Variants in DEF8 observed in about 807,000 individuals in gnomAD.
The protein encoded by DEF8 is DEF-8.
DEF8 carries 38 observed loss-of-function variants against 59.1 expected under a neutral mutation model. The ratio of observed to expected loss-of-function variants is 0.64; its 90% CI spans 0.50 to 0.84. The LOEUF (loss-of-function observed/expected upper bound fraction) is 0.84, where lower values mean the gene tolerates loss of function less well. Ranked by LOEUF, DEF8 falls within the 40% of genes least tolerant of loss-of-function variation. DEF8 has a pLI of 0.00. For synonymous variants in DEF8, 265 were observed against 250.1 expected (o/e 1.06, Z -0.56); for missense variants, 557 against 615.2 (o/e 0.91, Z 1.00).
At chr16:89,951,851 TAC>T (rs2032163868) in intron 2 of DEF8, among the ~76,000 whole-genome samples, 1 of 152,114 alleles carries the variant, frequency 6.6e-6, no homozygotes, top group Non-Finnish European at 1.5e-5. Context: ...TATATGTATA[TAC>T]ACACACATAC....
chr16:89,948,850 G>GGGGTCGGGGCTGGGA (rs1367669266), intron 1 of DEF8, 36 bp downstream of exon 1: 2 of 788,622 alleles, frequency 2.5e-6, no homozygotes, highest in Non-Finnish European at 2.9e-6. Context: ...CGGGGCCGGC[G>GGGGTCGGGGCTGGGA]GGGACGGGGC....
chr16:89,961,215 T>C (rs868588278), intron 7 of DEF8, 120 bp downstream of exon 7: 2 of 1,305,412 alleles, frequency 1.5e-6, no homozygotes, highest in Admixed American at 2.3e-5. Context: ...CAGTGCCTGC[T>C]TGATATCTTT....
intron 2 of DEF8, 100 bp downstream of exon 2, chr16:89,949,613 G>C (rs779996196): frequency 6.8e-6 from 11 of 1,612,592 alleles, no homozygotes; most frequent in Non-Finnish European, 9.3e-6. Context: ...TGGTGGTCAC[G>C]CCGCGGGCAG....
intron 4 of DEF8, 85 bp downstream of exon 4, chr16:89,955,351 A>T: frequency 1.7e-6 from 2 of 1,154,726 alleles, no homozygotes; most frequent in Non-Finnish European, 2.6e-6. Context: ...ACTCCCTCCC[A>T]GGTGGCAGGG....
At chr16:89,965,732 GC>G in intron 12 of DEF8, 128 bp from the exon 13 acceptor site, 1 of 609,284 alleles carries the variant, frequency 1.6e-6, no homozygotes, top group Non-Finnish European at 2.9e-6. Flanking sequence ...CTTGCATCTG[GC>G]TGCAGACTCC....
intron 2 of DEF8, 36 bp downstream of exon 2, chr16:89,949,549 C>A: frequency 6.2e-7 from 1 of 1,613,330 alleles, no homozygotes. Context: ...CTCCGCACAC[C>A]GGGGTGACTT....
At position 89,949,045 on chromosome 16, in the gene DEF8, GGGGTCGGGGCTGGGA is replaced by G. The variant is rs1207012514; in HGVS notation, c.-108+235_-108+249del. On this transcript the variant is annotated intron_variant, in intron 1 of 12. Coordinates refer to ENST00000563594, the MANE Select transcript of DEF8 (RefSeq NM_001242818.2). ...CGGGGCCGGCGGGGACGGGGTCGGC[GGGGTCGGGGCTGGGA>G]GGGACGGGGCCGGCGGGGACGGGGC... is the stretch of plus-strand genomic sequence containing the variant. Among the ~76,000 whole-genome samples the G allele has an allele frequency of 3.1e-4, 28 of 90,374 alleles. 5 individuals are homozygous for G. The highest frequency in any genetic ancestry group is 2.3e-3 in the African/African-American group (27 of 11,688). 59.3% of individuals were successfully genotyped at this position (90,374 alleles called of 152,430 possible). A position where few individuals can be genotyped will look rare whatever the true frequency, so the allele number is the denominator to read the frequency against.
intron 5 of DEF8, 70 bp from the exon 6 acceptor site, chr16:89,958,944 G>C: frequency 6.3e-7 from 1 of 1,579,938 alleles, no homozygotes; most frequent in South Asian, 1.1e-5. Flanking sequence ...TAAGTTGAGG[G>C]GCTTGTGCGA....
chr16:89,964,508 G>T lies in DEF8; in HGVS notation c.1186G>T (p.Gly396Cys). 1 of 1,599,256 alleles carries T rather than the reference G, an allele frequency of 6.3e-7. No individual in the cohort carries two copies. ...KGFVCELCRE[G>C]DVLFPFDSHT... ...CTTCGTGTGTGAGCTCTGCAGAGAG[G>T]GCGACGTGCTGTTCCCGTTCGACAG... Residue 396 changes from glycine to cysteine, a missense_variant, in exon 12 of 13, where the codon GGC becomes TGC. By Grantham distance (159) the Gly-to-Cys change is radical. Transcript: ENST00000563594.
chr16:89,957,756 C>T (rs990440482), intron 5 of DEF8, 96 bp downstream of exon 5: 27 of 1,395,054 alleles, frequency 1.9e-5, no homozygotes, highest in African/African-American at 1.6e-4. Context: ...CTCTCTCAGG[C>T]GGTGGTCTCT....
chr16:89,961,162 G>A, intron 7 of DEF8, 67 bp downstream of exon 7: 4 of 1,558,870 alleles, frequency 2.6e-6, no homozygotes, highest in South Asian at 2.4e-5. Context: ...GTGCACAGGT[G>A]TGTAAGGGCA....
rs755754865 is a variant in DEF8 at position 89,949,508 on chromosome 16, A to T, written c.-16A>T. 32 of 1,613,034 alleles carry T rather than the reference A, an allele frequency of 2.0e-5. No homozygotes were observed. The highest frequency in any genetic ancestry group is 2.6e-5 in the Non-Finnish European group (31 of 1,179,892). On this transcript the variant is annotated 5_prime_UTR_variant, in exon 2 of 13. It removes an upstream start codon present in the reference 5' UTR. Transcript: ENST00000563594. Reference sequence around the variant, plus strand: ...GCGAGCCCCTGGGCCCTGGCAGGCGATGCAGGTATGGGCAGACAGGACGCT... The same window carrying T: ...GCGAGCCCCTGGGCCCTGGCAGGCGTTGCAGGTATGGGCAGACAGGACGCT...
chr16:89,963,314 G>C (rs750442807), intron 9 of DEF8, 49 bp from the exon 10 acceptor site: 1 of 1,557,672 alleles, frequency 6.4e-7, no homozygotes, highest in Non-Finnish European at 8.8e-7. Context: ...CACAGGGGCC[G>C]CCCTGTGTCC....
Position 89,954,440 on chromosome 16 carries a change from C to G in DEF8, c.124+64C>G, listed in dbSNP as rs2032763701. The G allele has an allele frequency of 1.3e-6, 2 of 1,562,018 alleles. No individual in the cohort carries two copies. Among genetic ancestry groups the G allele is most frequent in the Non-Finnish European group, 1.7e-6 (2 of 1,150,166 alleles). ...TCTCTGACTGCTTACGTGGACCCCT[C>G]CTTTCTTCCTGCCGCGTCCTGCGCA... On this transcript the variant is annotated intron_variant, in intron 3 of 12. Transcript: ENST00000563594. This position sits in a 1 kb window ranked among gnomAD's most constrained non-coding sequence, Gnocchi z 4.3.
At chr16:89,952,228 C>T (rs57435446) in intron 2 of DEF8, among the ~76,000 whole-genome samples, 4,507 of 152,344 alleles carry the variant, frequency 0.03, 229 homozygotes, top group African/African-American at 0.1. Context: ...TTGGGCCTGG[C>T]CGGATGCCGT....
chr16:89,964,834 A>C (rs1056794326), intron 12 of DEF8, among the ~76,000 whole-genome samples: 8 of 152,186 alleles, frequency 5.3e-5, no homozygotes, highest in Non-Finnish European at 1.5e-5. Flanking sequence ...TCCCTCCCGG[A>C]CCAGCCCCTG....
At chr16:89,955,084 C>T in intron 3 of DEF8, 85 bp from the exon 4 acceptor site, 3 of 1,094,000 alleles carry the variant, frequency 2.7e-6, no homozygotes, top group South Asian at 2.6e-5. Flanking sequence ...CCCTTTCCCA[C>T]TCCTGGCTAT....
At chr16:89,950,297 C>A in intron 2 of DEF8, 1 of 985,558 alleles carries the variant, frequency 1.0e-6, no homozygotes, top group Non-Finnish European at 1.2e-6. Context: ...ACATCATAAA[C>A]AAGTCCTTAG....
In DEF8 at chr16:89,961,055, G is replaced by A; in HGVS notation, c.639G>A (p.Gln213=). 1 of 1,614,042 alleles carries A rather than the reference G, an allele frequency of 6.2e-7. No homozygotes were observed. ...NICPETGLDS[Q]DYRCAECRAP... ...GCCCTGAGACAGGGCTGGACAGCCA[G>A]GATTACCGCTGTGCCGAGTGCCGGG... The change falls in exon 7 of 13, where the codon CAG becomes CAA. Residue 213 remains glutamine, a synonymous_variant. Coordinates refer to ENST00000563594, the MANE Select transcript of DEF8 (RefSeq NM_001242818.2).
Sources: allele counts gnomAD v4.1 joint callset (sites outside exome capture counted in the v4.1 genomes callset), GRCh38; gene constraint gnomAD v4.1.1; non-coding constraint Gnocchi (gnomAD v3.1); transcripts MANE v1.5; gene names NCBI Gene and HGNC (gene_info 2026-07-23, HGNC 2026-07-21).